DNAJC13: variants seen among roughly 807,000 people sequenced by gnomAD.
DNAJC13 encodes dnaJ homolog subfamily C member 13.
DNAJC13 carries 75 observed loss-of-function variants against 290.5 expected under a neutral mutation model. That is an observed-to-expected ratio of 0.26 (90% CI 0.21 to 0.31). The LOEUF is 0.31. Ranked by LOEUF, DNAJC13 falls within the 10% of genes least tolerant of loss-of-function variation. The pLI is 1.00. For missense variants in DNAJC13, 2,260 were observed against 2,674.5 expected (o/e 0.85, Z 3.42); for synonymous variants, 862 against 892.0 (o/e 0.97, Z 0.60).
rs758049804 is a variant in DNAJC13, at chr3:132,486,082, CTTTTTTTTT to C, written c.3267+1429_3267+1437del. 0.011 allele frequency among the ~76,000 whole-genome samples: 461 copies of C among 40,534 alleles called. 13 individuals carry two copies. The East Asian group carries it at 0.18, about 16-fold the overall frequency. The allele number at this position is 40,534 out of a possible 152,430, so 26.6% of individuals were successfully genotyped here. On this transcript the variant is annotated intron_variant, in intron 29 of 55. Transcript: ENST00000260818. The stretch of plus-strand genomic sequence containing the variant: ...CTTCTAAATACAGTAATGCCCTATC[CTTTTTTTTT>C]TTTTTTTTTTTTTTTTTTGCCAATT...
At chr3:132,430,221 G>A (rs1448041688) in intron 1 of DNAJC13, among the ~76,000 whole-genome samples, 4 of 152,088 alleles carry the variant, frequency 2.6e-5, no homozygotes, top group Admixed American at 2.0e-4. Context: ...TTGATGTAAA[G>A]TTATTTAATT....
intron 31 of DNAJC13, among the ~76,000 whole-genome samples, chr3:132,489,645 G>A (rs1221119811): frequency 2.0e-5 from 3 of 151,848 alleles, no homozygotes; most frequent in South Asian, 4.2e-4. Context: ...ATATCAAGCA[G>A]AATAAGAAAC....
intron 46 of DNAJC13, chr3:132,514,933 A>G: frequency 6.3e-6 from 2 of 319,716 alleles, no homozygotes; most frequent in South Asian, 3.2e-5. Flanking sequence ...AGATCTACAC[A>G]TGGGTAATTG....
At chr3:132,481,718 T>A (rs574320391) in intron 26 of DNAJC13, among the ~76,000 whole-genome samples, 2 of 152,334 alleles carry the variant, frequency 1.3e-5, no homozygotes, top group East Asian at 3.9e-4. Flanking sequence ...GGTATTAAAT[T>A]GAGACTATAT....
In DNAJC13 at chr3:132,488,361, C is replaced by G. The variant is rs749052533; in HGVS notation, c.3331C>G (p.Gln1111Glu). Reference sequence around the variant, plus strand: ...TGCTATTTTGTTATACCATATCATGCAAGATAACCCACAGTTACCCCGCCT... The same window carrying G: ...TGCTATTTTGTTATACCATATCATGGAAGATAACCCACAGTTACCCCGCCT... ...KVAILLYHIM[Q>E]DNPQLPRLYL... Residue 1111 changes from glutamine to glutamate, a missense_variant, in exon 30 of 56, where the codon CAA becomes GAA. Around this residue, in one of 3 missense-constraint regions of DNAJC13, gnomAD observed 1,494 missense variants for 1,693.7 expected, o/e 0.88. Transcript: ENST00000260818. 7.4e-6 allele frequency: 12 copies of G among 1,613,348 alleles called. No homozygotes were observed. In the Admixed American group the frequency reaches 1.5e-4, roughly 20 times the overall value.
chr3:132,453,621 C>G lies in DNAJC13; in HGVS notation c.767C>G (p.Ala256Gly). ...AAGGAGCCTGTTAAAAGAGTTCTAG[C>G]ACTTACAGAAACATGTTTAGTAGAA... ...RHSEPVKRVL[A>G]LTETCLVERD... The change falls in exon 8 of 56, where the codon GCA (alanine) becomes GGA (glycine). Residue 256 changes from alanine to glycine, a missense_variant. Physicochemically the swap from Ala to Gly is moderately conservative, Grantham distance 60. This residue lies in a region of DNAJC13 where 762 missense variants were observed against 964.1 expected (regional missense o/e 0.79). Transcript: ENST00000260818. The G allele has an allele frequency of 6.2e-7, 1 of 1,613,360 alleles. No homozygotes were observed. The highest frequency in any genetic ancestry group is 8.5e-7 in the Non-Finnish European group (1 of 1,179,796).
chr3:132,418,561 C>T (rs1250206616), intron 1 of DNAJC13, among the ~76,000 whole-genome samples: 1 of 152,166 alleles, frequency 6.6e-6, no homozygotes, highest in African/African-American at 2.4e-5. Context: ...CCTAATGTGG[C>T]GGTGGTCTCC....
At position 132,496,657 on chromosome 3, in the gene DNAJC13, A is replaced by G. The variant is rs1935242824; in HGVS notation, c.4150A>G (p.Lys1384Glu). The G allele has an allele frequency of 6.2e-7, 1 of 1,605,846 alleles. No homozygotes were observed. Residue 1384 changes from lysine to glutamate, a missense_variant, in exon 36 of 56, where the codon AAA (lysine) becomes GAA (glutamate). Around this residue, in one of 3 missense-constraint regions of DNAJC13, gnomAD observed 1,494 missense variants for 1,693.7 expected, o/e 0.88. Coordinates refer to ENST00000260818, the MANE Select transcript of DNAJC13 (RefSeq NM_015268.4). ...ACAGAGCATCCTCTTCAACCGTCAT[A>G]AAGAAGGTAAGATGTCTGTTCTCAG... is the stretch of plus-strand genomic sequence containing the variant. Reference protein sequence around the residue: ...KTQSILFNRHKEDLQPYKYAG... With the variant: ...KTQSILFNRHEEDLQPYKYAG...
rs62292953 is a variant in DNAJC13 at position 132,483,605 on chromosome 3, T to A, written c.3182+28T>A. 224,425 of 1,594,338 alleles carry A rather than the reference T, an allele frequency of 0.14. 16,486 individuals are homozygous for A. Among genetic ancestry groups the A allele is most frequent in the African/African-American group, 0.22 (16,104 of 74,604 alleles). On this transcript the variant is annotated intron_variant, in intron 28 of 55. Transcript: ENST00000260818. Reference sequence around the variant, plus strand: ...AAAATGTAATTGAATGTTTCCATGGTTAATTGATATGCTTCCTTAGTAACA... The same window carrying A: ...AAAATGTAATTGAATGTTTCCATGGATAATTGATATGCTTCCTTAGTAACA...
intron 43 of DNAJC13, among the ~76,000 whole-genome samples, chr3:132,510,653 AATAT>A (rs1478265357): frequency 1.3e-5 from 2 of 152,210 alleles, no homozygotes; most frequent in Non-Finnish European, 2.9e-5. Context: ...ATCACAGAGT[AATAT>A]ATATGTAAAT....
At chr3:132,488,660 GTATTATCTAGT>G (rs1209500451) in intron 30 of DNAJC13, among the ~76,000 whole-genome samples, 8 of 152,068 alleles carry the variant, frequency 5.3e-5, no homozygotes, top group Non-Finnish European at 8.8e-5. Flanking sequence ...GCATAAGAAT[GTATTATCTAGT>G]ATTTAAGTAT....
intron 16 of DNAJC13, 58 bp from the exon 17 acceptor site, chr3:132,463,638 G>T: frequency 1.3e-6 from 2 of 1,525,058 alleles, no homozygotes. Context: ...GTTTTTTAAA[G>T]TTTGGATAGC....
chr3:132,526,478 G>C (rs1326601159), intron 53 of DNAJC13, among the ~76,000 whole-genome samples, 197 bp downstream of exon 53: 1 of 152,074 alleles, frequency 6.6e-6, no homozygotes, highest in Non-Finnish European at 1.5e-5. Context: ...ATATGTGTAT[G>C]TATATATACA....
At chr3:132,515,117 A>G (rs990562865) in intron 46 of DNAJC13, among the ~76,000 whole-genome samples, 1 of 152,152 alleles carries the variant, frequency 6.6e-6, no homozygotes, top group Non-Finnish European at 1.5e-5. Flanking sequence ...AAAATATATC[A>G]ACCTTATTTC....
At chr3:132,506,045 C>CTTTTATTTTTTTTTT (rs1935574053) in intron 42 of DNAJC13, among the ~76,000 whole-genome samples, 1 of 72,648 alleles carries the variant, frequency 1.4e-5, no homozygotes, top group African/African-American at 4.3e-5. Flanking sequence ...TGTACATTAT[C>CTTTTATTTTTTTTTT]TTTTTTTTTT....
intron 6 of DNAJC13, among the ~76,000 whole-genome samples, chr3:132,451,130 A>G (rs1011030784): frequency 4.6e-5 from 7 of 152,096 alleles, no homozygotes; most frequent in African/African-American, 1.7e-4. Flanking sequence ...TTTCATTGGT[A>G]TTACTGTCTT....
At position 132,520,924 on chromosome 3, in the gene DNAJC13, T is replaced by G. The variant is rs78711118; in HGVS notation, c.5674-1904T>G. On this transcript the variant is annotated intron_variant, in intron 48 of 55. Transcript: ENST00000260818. ...CTTGCCATAAAAATTTCAATTTTTG[T>G]TTCAAGCTGCAAAATATTTTAAAAT... 3.0e-3 allele frequency among the ~76,000 whole-genome samples: 452 copies of G among 152,328 alleles called. 3 individuals are homozygous for G. Among genetic ancestry groups the G allele is most frequent in the African/African-American group, 0.011 (441 of 41,578 alleles).
chr3:132,482,128 T>C, intron 26 of DNAJC13, 98 bp from the exon 27 acceptor site: 1 of 901,736 alleles, frequency 1.1e-6, no homozygotes, highest in Non-Finnish European at 1.7e-6. Flanking sequence ...TAAAGGGATA[T>C]AAACCCCTCC....
At chr3:132,505,438 T>A in intron 42 of DNAJC13, 23 bp downstream of exon 42, 3 of 1,459,398 alleles carry the variant, frequency 2.1e-6, no homozygotes, top group Non-Finnish European at 2.9e-6. Context: ...TTTATAAATT[T>A]CTTGGGTAAT....
Sources: allele counts gnomAD v4.1 joint callset (sites outside exome capture counted in the v4.1 genomes callset), GRCh38; gene constraint gnomAD v4.1.1; regional missense constraint gnomAD v4.1.1; transcripts MANE v1.5; gene names NCBI Gene and HGNC (gene_info 2026-07-23, HGNC 2026-07-21).